The following COL6A1 variants were observed in gnomAD, a reference collection of about 807,000 sequenced individuals.
COL6A1 encodes the protein collagen type VI alpha 1 chain.
COL6A1 carries 80 observed loss-of-function variants against 145.6 expected under a neutral mutation model. That is an observed-to-expected ratio of 0.55 (90% CI 0.46 to 0.66). The LOEUF is 0.66. Ranked by LOEUF, COL6A1 falls within the 30% of genes least tolerant of loss-of-function variation. The pLI is 0.00. For missense variants in COL6A1, 1,364 were observed against 1,473.8 expected (o/e 0.93, Z 1.22); for synonymous variants, 638 against 622.8 (o/e 1.02, Z -0.36).
intron 11 of COL6A1, among the ~76,000 whole-genome samples, chr21:45,990,030 CCGGGGG>C (rs1390030025): frequency 4.4e-3 from 27 of 6,188 alleles, no homozygotes; most frequent in African/African-American, 7.3e-3. Context: ...CTCTGCGGAG[CCGGGGG>C]TCCCCCGGGC....
rs1180948133 is a variant in COL6A1 at position 46,003,932 on chromosome 21, C to A, written c.3006C>A (p.His1002Gln). The A allele has an allele frequency of 1.2e-5, 20 of 1,611,328 alleles. No individual in the cohort carries two copies. Among genetic ancestry groups the A allele is most frequent in the Middle Eastern group, 3.3e-4 (2 of 6,056 alleles). The change falls in exon 35 of 35, where the codon CAC becomes CAA. Residue 1002 changes from histidine to glutamine, a missense_variant. By Grantham distance (24) the His-to-Gln change is conservative. Transcript: ENST00000361866. ...ACGACGTGGCCTACGGCGAGAGCCA[C>A]CTGTTCCGTGTCCCCAGCTACCAGG... ...AEYDVAYGES[H>Q]LFRVPSYQAL...
chr21:45,989,189 G>C (rs758534998), intron 9 of COL6A1, 52 bp downstream of exon 9: 7 of 1,552,926 alleles, frequency 4.5e-6, no homozygotes, highest in Non-Finnish European at 6.1e-6. Flanking sequence ...GGCGGGGAAC[G>C]ACTAGGCCTC....
intron 2 of COL6A1, among the ~76,000 whole-genome samples, chr21:45,983,396 G>T (rs567018478): frequency 1.4e-5 from 2 of 141,280 alleles, no homozygotes; most frequent in Admixed American, 6.8e-5. Flanking sequence ...GGGCCGCTGA[G>T]GGGGGGGCAT....
intron 18 of COL6A1, 128 bp downstream of exon 18, chr21:45,992,526 T>A: frequency 8.2e-7 from 1 of 1,214,704 alleles, no homozygotes; most frequent in South Asian, 1.4e-5. Context: ...ATGGGTTTCT[T>A]CACCCACACG....
chr21:46,004,742 C>T lies in COL6A1; in HGVS notation c.*729C>T, dbSNP rs201623355. 1.2e-4 allele frequency: 52 copies of T among 445,506 alleles called. No homozygotes were observed. The East Asian group carries it at 2.0e-3, about 17-fold the overall frequency. The allele number at this position is 445,506 out of a possible 1,614,324, so 27.6% of individuals were successfully genotyped here. On this transcript the variant is annotated 3_prime_UTR_variant, in exon 35 of 35. Transcript: ENST00000361866. ...GGCCGCTGCTGACCAGCACTGACCC[C>T]GACCTCAGAGAGTACTCGCAGGGGC...
At chr21:46,000,281 G>T (rs377184938) in intron 27 of COL6A1, 50 bp from the exon 28 acceptor site, 1 of 1,609,842 alleles carries the variant, frequency 6.2e-7, no homozygotes. Context: ...CACAGTCCCC[G>T]CTGGGAGGGG....
In COL6A1 at chr21:45,995,347, A is replaced by G. The variant is rs544663741; in HGVS notation, c.1398+1118A>G. Among the ~76,000 whole-genome samples, 13 of 152,300 alleles carry G rather than the reference A, an allele frequency of 8.5e-5. No individual in the cohort carries two copies. In the East Asian group the frequency reaches 2.5e-3, roughly 29 times the overall value. ...AGCCCTGAGGATGATCTGACCTCCC[A>G]TGTGGTCACCCAGGACAGGGCCAGG... On this transcript the variant is annotated intron_variant, in intron 20 of 34. Transcript: ENST00000361866.
Position 45,987,195 on chromosome 21 carries a change from C to A in COL6A1, c.738+20C>A. ...CAAGTGGTAAGAGCCCTCCCCACCA[C>A]CCCCAGCCGTGAGTCTGCACACGTC... On this transcript the variant is annotated intron_variant, in intron 6 of 34. Coordinates refer to ENST00000361866, the MANE Select transcript of COL6A1 (RefSeq NM_001848.3). The A allele has an allele frequency of 6.3e-7, 1 of 1,591,312 alleles. No homozygotes were observed. The highest frequency in any genetic ancestry group is 8.5e-7 in the Non-Finnish European group (1 of 1,175,904).
rs1440291443 is a variant in COL6A1, at chr21:45,984,392, G to A, written c.351G>A (p.Val117=). 3 of 1,612,628 alleles carry A rather than the reference G, an allele frequency of 1.9e-6. No individual in the cohort carries two copies. Among genetic ancestry groups the A allele is most frequent in the African/African-American group, 1.3e-5 (1 of 74,948 alleles). ...PGGRDALKSS[V]DAVKYFGKGT... ...GCCGCGACGCACTCAAAAGCAGCGT[G>A]GACGCGGTCAAGTACTTTGGGAAGG... Residue 117 remains valine (V), a synonymous_variant, in exon 3 of 35, where the codon GTG becomes GTA. Transcript: ENST00000361866.
At chr21:45,985,545 C>T (rs1040323968) in intron 3 of COL6A1, among the ~76,000 whole-genome samples, 3 of 152,316 alleles carry the variant, frequency 2.0e-5, no homozygotes, top group Middle Eastern at 3.4e-3. Context: ...TGCGCTTTCT[C>T]GGGGTTTTTC....
rs763228065 is a variant in COL6A1 at position 46,003,799 on chromosome 21, C to G, written c.2873C>G (p.Ala958Gly). The change falls in exon 35 of 35, where the codon GCC (alanine) becomes GGC (glycine). Residue 958 changes from alanine to glycine, a missense_variant. By Grantham distance (60) the Ala-to-Gly change is moderately conservative (BLOSUM62 0). Coordinates refer to ENST00000361866, the MANE Select transcript of COL6A1 (RefSeq NM_001848.3). ...GCCACGCCCGCTGCCATCGAGAAGGCCGTGCAGGAAGCCCAGCGGGCAGGC... is the reference window on the plus strand; with the variant it reads ...GCCACGCCCGCTGCCATCGAGAAGGGCGTGCAGGAAGCCCAGCGGGCAGGC... The part of the protein sequence containing the change: ...QGATPAAIEK[A>G]VQEAQRAGIE... 3.1e-6 allele frequency: 5 copies of G among 1,609,264 alleles called. No individual in the cohort carries two copies. Among genetic ancestry groups the G allele is most frequent in the Non-Finnish European group, 4.2e-6 (5 of 1,177,010 alleles).
At chr21:45,992,916 G>A (rs2077785090) in intron 19 of COL6A1, 106 bp downstream of exon 19, 2 of 1,075,896 alleles carry the variant, frequency 1.9e-6, no homozygotes, top group South Asian at 2.8e-5. Context: ...AAGCCCCTGT[G>A]GCCCCTCAAC....
Position 45,994,896 on chromosome 21 carries a change from A to G in COL6A1, c.1398+667A>G, listed in dbSNP as rs2077796451. ...CACACGGTCACGCCCGGAGACAGCA[A>G]GTCTGTGCTCCCGAGCTTGTCTGCT... On this transcript the variant is annotated intron_variant, in intron 20 of 34. Coordinates refer to ENST00000361866, the MANE Select transcript of COL6A1 (RefSeq NM_001848.3). This position sits in a 1 kb window ranked among gnomAD's most constrained non-coding sequence, Gnocchi z 6.8. Among the ~76,000 whole-genome samples, 1 of 152,144 alleles carries G rather than the reference A, an allele frequency of 6.6e-6. No homozygotes were observed. The highest frequency in any genetic ancestry group is 1.5e-5 in the Non-Finnish European group (1 of 68,018).
intron 30 of COL6A1, 57 bp downstream of exon 30, chr21:46,001,443 C>T (rs965684911): frequency 6.3e-7 from 1 of 1,594,836 alleles, no homozygotes; most frequent in Non-Finnish European, 8.5e-7. Flanking sequence ...ACCCTGCCGG[C>T]CGCCCCTGCC....
At chr21:45,984,498 C>G (rs1222172480) in intron 3 of COL6A1, 29 bp downstream of exon 3, 2 of 1,599,468 alleles carry the variant, frequency 1.3e-6, no homozygotes, top group Admixed American at 1.7e-5. Context: ...CCTGCCCACG[C>G]CAGTTCTCAC....
chr21:45,999,544 G>A (rs1320364097), intron 26 of COL6A1, 113 bp from the exon 27 acceptor site: 28 of 1,159,412 alleles, frequency 2.4e-5, no homozygotes, highest in South Asian at 3.9e-5. Flanking sequence ...GGGAGGGACC[G>A]GGCAGGGGTG....
At chr21:45,995,184 A>G (rs1453660297) in intron 20 of COL6A1, among the ~76,000 whole-genome samples, 1 of 152,240 alleles carries the variant, frequency 6.6e-6, no homozygotes, top group Non-Finnish European at 1.5e-5. Flanking sequence ...AGGGCTTGGC[A>G]GGCGGGGTCT....
chr21:45,982,522 C>A (rs746346489), intron 1 of COL6A1, 112 bp from the exon 2 acceptor site: 1 of 1,509,702 alleles, frequency 6.6e-7, no homozygotes. Flanking sequence ...AGAGCCTCTC[C>A]GGGCCCGGGG....
At chr21:45,992,273 C>T (rs1434730932) in intron 17 of COL6A1, 56 bp downstream of exon 17, 4 of 1,613,368 alleles carry the variant, frequency 2.5e-6, no homozygotes, top group South Asian at 1.1e-5. Context: ...AGCTTCTGAT[C>T]CTCTTTGCTC....
Sources: allele counts gnomAD v4.1 joint callset (sites outside exome capture counted in the v4.1 genomes callset), GRCh38; gene constraint gnomAD v4.1.1; non-coding constraint Gnocchi (gnomAD v3.1); transcripts MANE v1.5; gene names NCBI Gene and HGNC (gene_info 2026-07-23, HGNC 2026-07-21).